Variants in UNC5C observed in about 807,000 individuals in gnomAD.
UNC5C encodes netrin receptor UNC5C.
A neutral mutation model predicts 99.8 loss-of-function variants in UNC5C; 47 were observed. The observed-to-expected ratio is 0.47, with a 90% CI of 0.37 to 0.60. The LOEUF is 0.60. UNC5C is among the 20% of genes least tolerant of loss of function. The pLI is 0.00. For synonymous variants in UNC5C, 487 were observed against 452.2 expected (o/e 1.08, Z -0.98); for missense variants, 1,062 against 1,165.9 (o/e 0.91, Z 1.30).
At chr4:95,216,892 C>T (rs1057470173) in intron 9 of UNC5C, among the ~76,000 whole-genome samples, 57 of 152,192 alleles carry the variant, frequency 3.7e-4, no homozygotes, top group Non-Finnish European at 5.9e-4. Flanking sequence ...CCACAGATTA[C>T]TGGTCCCTAC....
chr4:95,508,131 A>G (rs968062070), intron 1 of UNC5C, among the ~76,000 whole-genome samples: 7 of 151,734 alleles, frequency 4.6e-5, no homozygotes, highest in African/African-American at 7.3e-5. Context: ...TATACAGGAT[A>G]CTCTTTATAC....
At chr4:95,241,356 T>G (rs1356429259) in intron 7 of UNC5C, among the ~76,000 whole-genome samples, 1 of 152,248 alleles carries the variant, frequency 6.6e-6, no homozygotes, top group East Asian at 1.9e-4. Flanking sequence ...ATTTTTATTC[T>G]GTGTGAGCAA....
chr4:95,535,507 T>A (rs944219601), intron 1 of UNC5C, among the ~76,000 whole-genome samples: 3 of 152,208 alleles, frequency 2.0e-5, no homozygotes, highest in Non-Finnish European at 4.4e-5. Context: ...GGAGCTATTC[T>A]CAGTTCTTCA....
intron 3 of UNC5C, among the ~76,000 whole-genome samples, chr4:95,281,275 C>T (rs1225634526): frequency 2.6e-5 from 4 of 152,142 alleles, no homozygotes; most frequent in Non-Finnish European, 5.9e-5. Flanking sequence ...TTTCATTTAA[C>T]ATTTATTCAT....
chr4:95,356,226 A>AAAAAAAAAAAAAAAAAAAAAAAAC (rs1371053400), intron 1 of UNC5C, among the ~76,000 whole-genome samples: 4 of 144,714 alleles, frequency 2.8e-5, no homozygotes, highest in Non-Finnish European at 6.1e-5. Flanking sequence ...AACAAAAAAA[A>AAAAAAAAAAAAAAAAAAAAAAAAC]AACAGATTCC....
intron 1 of UNC5C, among the ~76,000 whole-genome samples, chr4:95,363,995 C>G (rs1201070211): frequency 6.6e-6 from 1 of 152,154 alleles, no homozygotes; most frequent in Non-Finnish European, 1.5e-5. Context: ...TATTGATATA[C>G]TTTTACATCT....
At chr4:95,288,377 C>G (rs1741320360) in intron 3 of UNC5C, among the ~76,000 whole-genome samples, 1 of 152,080 alleles carries the variant, frequency 6.6e-6, no homozygotes, top group African/African-American at 2.4e-5. Context: ...GCCACCGTGC[C>G]CAGCACTTTA....
intron 1 of UNC5C, among the ~76,000 whole-genome samples, chr4:95,384,407 G>GT (rs1285163975): frequency 6.6e-6 from 1 of 152,160 alleles, no homozygotes; most frequent in Non-Finnish European, 1.5e-5. Flanking sequence ...ATGAGATCAT[G>GT]TTTTGCGGAA....
chr4:95,326,339 C>T (rs1185355980), intron 2 of UNC5C, among the ~76,000 whole-genome samples: 3 of 151,568 alleles, frequency 2.0e-5, no homozygotes, highest in African/African-American at 7.2e-5. Context: ...ATCTCCTTTG[C>T]TTCTTCATAG....
intron 1 of UNC5C, among the ~76,000 whole-genome samples, chr4:95,436,904 A>G (rs947385238): frequency 2.0e-5 from 3 of 151,628 alleles, no homozygotes; most frequent in East Asian, 1.9e-4. Context: ...TAATGCTTCA[A>G]TGAAGGCAGG....
chr4:95,531,892 A>C (rs2149493120), intron 1 of UNC5C, among the ~76,000 whole-genome samples: 1 of 152,338 alleles, frequency 6.6e-6, no homozygotes, highest in African/African-American at 2.4e-5. Flanking sequence ...TATAGAACAA[A>C]ATTTCATCAC....
At chr4:95,237,766 G>C (rs1739173000) in intron 7 of UNC5C, among the ~76,000 whole-genome samples, 1 of 152,154 alleles carries the variant, frequency 6.6e-6, no homozygotes, top group African/African-American at 2.4e-5. Flanking sequence ...ATACTGAACA[G>C]ACCCGGCGCA....
At chr4:95,486,205 T>C (rs1185147952) in intron 1 of UNC5C, among the ~76,000 whole-genome samples, 1 of 151,538 alleles carries the variant, frequency 6.6e-6, no homozygotes, top group African/African-American at 2.4e-5. Flanking sequence ...ATTATTATTA[T>C]ATTAATCTTA....
chr4:95,510,803 G>A (rs527510148), intron 1 of UNC5C, among the ~76,000 whole-genome samples: 1 of 152,060 alleles, frequency 6.6e-6, no homozygotes, highest in Admixed American at 6.6e-5. Flanking sequence ...TTTAATAAAA[G>A]CCTGTGGAAT....
At chr4:95,444,332 CTTTTTT>C (rs11363815) in intron 1 of UNC5C, among the ~76,000 whole-genome samples, 1 of 136,218 alleles carries the variant, frequency 7.3e-6, no homozygotes, top group East Asian at 2.3e-4. Flanking sequence ...AGTGCATTGC[CTTTTTT>C]TTTTTTTTTT....
intron 1 of UNC5C, among the ~76,000 whole-genome samples, chr4:95,513,317 C>T (rs962628132): frequency 2.0e-5 from 3 of 152,160 alleles, no homozygotes; most frequent in African/African-American, 7.2e-5. Context: ...GAATGCCAGG[C>T]GCACACCAGC....
chr4:95,399,206 C>T (rs560042627), intron 1 of UNC5C, among the ~76,000 whole-genome samples: 1 of 152,178 alleles, frequency 6.6e-6, no homozygotes, highest in African/African-American at 2.4e-5. Flanking sequence ...AAAAAAATGA[C>T]ATAGGAAGAA....
chr4:95,405,086 T>C (rs958240012), intron 1 of UNC5C, among the ~76,000 whole-genome samples: 1 of 152,204 alleles, frequency 6.6e-6, no homozygotes, highest in Non-Finnish European at 1.5e-5. Flanking sequence ...TCTTCCGGGA[T>C]GCTGGACAAG....
chr4:95,231,489 C>G (rs1258734101), intron 7 of UNC5C, among the ~76,000 whole-genome samples: 1 of 152,160 alleles, frequency 6.6e-6, no homozygotes, highest in African/African-American at 2.4e-5. Context: ...TCTAAGTCCA[C>G]TAGGCTACTT....
Sources: allele counts gnomAD v4.1 joint callset (sites outside exome capture counted in the v4.1 genomes callset), GRCh38; gene constraint gnomAD v4.1.1; transcripts MANE v1.5; gene names NCBI Gene and HGNC (gene_info 2026-07-23, HGNC 2026-07-21).